Variants in SEPTIN11 observed in about 807,000 individuals in gnomAD.
SEPTIN11 encodes the protein septin-11.
In SEPTIN11, 25 loss-of-function variants were observed where a neutral mutation model predicts 51.4. The observed-to-expected ratio is 0.49, with a 90% CI of 0.35 to 0.68. The LOEUF is 0.68. SEPTIN11 is among the 30% of genes least tolerant of loss of function. The pLI is 0.00. For missense variants in SEPTIN11, 381 were observed against 520.8 expected (o/e 0.73, Z 2.61); for synonymous variants, 174 against 184.1 (o/e 0.95, Z 0.44).
intron 5 of SEPTIN11, 80 bp from the exon 6 acceptor site, chr4:77,019,085 G>A: frequency 3.0e-6 from 4 of 1,331,656 alleles, no homozygotes; most frequent in Non-Finnish European, 4.2e-6. Flanking sequence ...CCTGCAGAAG[G>A]AGGGAGAAGA....
intron 1 of SEPTIN11, among the ~76,000 whole-genome samples, chr4:76,994,900 CTTTTTTTTTTTTTTTT>C (rs55728971): frequency 1.8e-5 from 1 of 54,856 alleles, no homozygotes; most frequent in Admixed American, 3.0e-4. Flanking sequence ...CTGTACAAAG[CTTTTTTTTTTTTTTTT>C]TTTTTTTTTT....
At chr4:76,988,241 A>C (rs981140229) in intron 1 of SEPTIN11, among the ~76,000 whole-genome samples, 2 of 152,256 alleles carry the variant, frequency 1.3e-5, no homozygotes, top group Non-Finnish European at 2.9e-5. Flanking sequence ...ATAAGGCTAC[A>C]CAGCATCCTG....
At chr4:76,977,207 CA>C (rs74591304) in intron 1 of SEPTIN11, among the ~76,000 whole-genome samples, 9,111 of 152,200 alleles carry the variant, frequency 0.06, 514 homozygotes, top group African/African-American at 0.14. Flanking sequence ...GTTACACTTA[CA>C]AAAATATTAC....
At chr4:77,009,628 A>G (rs1349936751) in intron 3 of SEPTIN11, among the ~76,000 whole-genome samples, 1 of 152,238 alleles carries the variant, frequency 6.6e-6, no homozygotes, top group Admixed American at 6.5e-5. Context: ...GAGTGTTGTT[A>G]TGCTTCTCAT....
intron 3 of SEPTIN11, among the ~76,000 whole-genome samples, chr4:77,007,230 G>A (rs796077151): frequency 1.3e-5 from 2 of 152,312 alleles, no homozygotes; most frequent in African/African-American, 4.8e-5. Context: ...GAAGAGAGCC[G>A]GGGGTTTCAA....
intron 7 of SEPTIN11, among the ~76,000 whole-genome samples, chr4:77,022,062 T>C (rs1445340237): frequency 6.6e-6 from 1 of 152,218 alleles, no homozygotes. Flanking sequence ...TACACAGGTT[T>C]AGCTAATTGA....
At chr4:77,006,660 T>C (rs889325102) in intron 3 of SEPTIN11, among the ~76,000 whole-genome samples, 39 of 152,146 alleles carry the variant, frequency 2.6e-4, no homozygotes, top group African/African-American at 8.9e-4. Flanking sequence ...GTGACCAACA[T>C]GTAGACATGA....
intron 1 of SEPTIN11, among the ~76,000 whole-genome samples, chr4:76,968,268 G>T (rs960312052): frequency 2.0e-5 from 3 of 152,090 alleles, no homozygotes; most frequent in Admixed American, 2.0e-4. Context: ...GCCTTCAAAG[G>T]TCACCTTATA....
chr4:77,016,615 C>CACACATATATATATATAT (rs1553975015), intron 5 of SEPTIN11, among the ~76,000 whole-genome samples: 2 of 79,192 alleles, frequency 2.5e-5, no homozygotes, highest in African/African-American at 9.3e-5. Flanking sequence ...TATATATACA[C>CACACATATATATATATAT]ATATATATAT....
rs574096825 is a variant in SEPTIN11, at chr4:77,005,736, G to A, written c.278G>A (p.Arg93Gln). 25 of 1,613,990 alleles carry A rather than the reference G, an allele frequency of 1.5e-5. No individual in the cohort carries two copies. In the African/African-American group the frequency reaches 2.4e-4, roughly 15 times the overall value. ...TATGAGCTTCAGGAAAGCAATGTAC[G>A]GCTGAAGTTAACCATTGTTGACACC... is the stretch of plus-strand genomic sequence containing the variant. ...RSYELQESNVRLKLTIVDTVG... is the reference protein window; with the variant it reads ...RSYELQESNVQLKLTIVDTVG... Residue 93 changes from arginine to glutamine, a missense_variant, in exon 3 of 10, where the codon CGG becomes CAG. Coordinates refer to ENST00000264893, the MANE Select transcript of SEPTIN11 (RefSeq NM_018243.4).
At chr4:76,987,899 G>A (rs2109924194) in intron 1 of SEPTIN11, 4 of 843,860 alleles carry the variant, frequency 4.7e-6, no homozygotes, top group Non-Finnish European at 4.3e-6. Flanking sequence ...TTCCAAGTGG[G>A]TATTCTGTAA....
At chr4:76,959,509 A>G (rs1006461275) in intron 1 of SEPTIN11, among the ~76,000 whole-genome samples, 18 of 152,010 alleles carry the variant, frequency 1.2e-4, no homozygotes, top group African/African-American at 4.1e-4. Flanking sequence ...TGGAACTCAT[A>G]ATCTCTCAGG....
At chr4:76,994,761 A>G (rs1261506008) in intron 1 of SEPTIN11, among the ~76,000 whole-genome samples, 14 of 152,176 alleles carry the variant, frequency 9.2e-5, no homozygotes, top group Admixed American at 9.2e-4. Flanking sequence ...TTCTGTGCCT[A>G]TATAGTGACC....
chr4:76,995,930 G>A, intron 1 of SEPTIN11: 2 of 1,535,542 alleles, frequency 1.3e-6, no homozygotes, highest in Non-Finnish European at 1.7e-6. Flanking sequence ...TAAATATGCT[G>A]CATTTATGGT....
intron 9 of SEPTIN11, 137 bp downstream of exon 9, chr4:77,031,107 G>T: frequency 1.3e-6 from 1 of 766,978 alleles, no homozygotes. Flanking sequence ...CTACAGTGCA[G>T]GGAAGATGAT....
chr4:77,024,055 A>C lies in SEPTIN11; in HGVS notation c.953+3385A>C, dbSNP rs1441778467. On this transcript the variant is annotated intron_variant, in intron 7 of 9. Coordinates refer to ENST00000264893, the MANE Select transcript of SEPTIN11 (RefSeq NM_018243.4). The surrounding 1 kb of genome is among the most constrained non-coding windows in gnomAD (Gnocchi z 4.2). Reference sequence around the variant, plus strand: ...TCCTCTGGGCCCCACTTGTGTTTACAGTACATGTTTGTAAAACAGAGAGTG... The same window carrying C: ...TCCTCTGGGCCCCACTTGTGTTTACCGTACATGTTTGTAAAACAGAGAGTG... Among the ~76,000 whole-genome samples the C allele has an allele frequency of 6.6e-6, 1 of 152,188 alleles. No individual in the cohort carries two copies. Among genetic ancestry groups the C allele is most frequent in the Non-Finnish European group, 1.5e-5 (1 of 68,042 alleles).
At chr4:76,995,375 C>G (rs995184061) in intron 1 of SEPTIN11, among the ~76,000 whole-genome samples, 26 of 151,658 alleles carry the variant, frequency 1.7e-4, no homozygotes, top group African/African-American at 6.3e-4. Flanking sequence ...AGTGAGACTC[C>G]ATCTCAAAAA....
intron 1 of SEPTIN11, among the ~76,000 whole-genome samples, chr4:76,950,841 GCCTTT>G (rs1398972283): frequency 6.6e-6 from 1 of 152,236 alleles, no homozygotes; most frequent in African/African-American, 2.4e-5. Flanking sequence ...GGCGGCGGCG[GCCTTT>G]CCTTTTTTTT....
At chr4:76,972,155 G>A (rs1722276995) in intron 1 of SEPTIN11, among the ~76,000 whole-genome samples, 1 of 152,032 alleles carries the variant, frequency 6.6e-6, no homozygotes, top group South Asian at 2.1e-4. Context: ...CCTGCCAATT[G>A]GGCTATTTAT....
Sources: allele counts gnomAD v4.1 joint callset (sites outside exome capture counted in the v4.1 genomes callset), GRCh38; gene constraint gnomAD v4.1.1; non-coding constraint Gnocchi (gnomAD v3.1); transcripts MANE v1.5; gene names NCBI Gene and HGNC (gene_info 2026-07-23, HGNC 2026-07-21).